The following GRIA4 variants were observed in gnomAD, a reference collection of about 807,000 sequenced individuals.
The protein encoded by GRIA4 is glutamate ionotropic receptor AMPA type subunit 4.
GRIA4 carries 34 observed loss-of-function variants against 104.0 expected under a neutral mutation model. The observed-to-expected ratio is 0.33, with a 90% CI of 0.25 to 0.44. The LOEUF (loss-of-function observed/expected upper bound fraction) is 0.44. Ranked by LOEUF, GRIA4 falls within the 20% of genes least tolerant of loss-of-function variation. GRIA4 has a pLI of 1.00. For missense variants in GRIA4, 750 were observed against 1,096.5 expected, an observed-to-expected ratio of 0.68 and a Z score of 4.46; for synonymous variants, 386 against 381.9, an observed-to-expected ratio of 1.01 and a Z score of -0.13.
At chr11:105,739,225 G>T (rs1227342610) in intron 3 of GRIA4, among the ~76,000 whole-genome samples, 1 of 152,134 alleles carries the variant, frequency 6.6e-6, no homozygotes, top group Admixed American at 6.6e-5. Context: ...AGCAAAGTGA[G>T]CCATGTGTTT....
chr11:105,777,533 T>C lies in GRIA4; in HGVS notation c.487+24313T>C, dbSNP rs564592522. On this transcript the variant is annotated intron_variant, in intron 4 of 16. Coordinates refer to ENST00000282499, the MANE Select transcript of GRIA4 (RefSeq NM_000829.4). ...AATCATCTTATTAAACTAAGTCCCA[T>C]TCATTTTAACACATGACCATTCAAG... Among the ~76,000 whole-genome samples the C allele has an allele frequency of 6.6e-5, 10 of 152,344 alleles. No homozygotes were observed. The East Asian group carries it at 1.5e-3, about 23-fold the overall frequency.
intron 4 of GRIA4, among the ~76,000 whole-genome samples, chr11:105,776,497 T>A (rs901895728): frequency 6.6e-6 from 1 of 152,126 alleles, no homozygotes; most frequent in Non-Finnish European, 1.5e-5. Flanking sequence ...ATAAAACAGA[T>A]GGTTTATATT....
intron 13 of GRIA4, 144 bp from the exon 14 acceptor site, chr11:105,933,578 A>G (rs1947945992): frequency 1.4e-5 from 8 of 578,604 alleles, no homozygotes; most frequent in Non-Finnish European, 2.4e-5. Context: ...AAATAATAAT[A>G]TTACTATTAT....
At chr11:105,794,317 A>G (rs191520559) in intron 4 of GRIA4, among the ~76,000 whole-genome samples, 4 of 150,048 alleles carry the variant, frequency 2.7e-5, no homozygotes, top group African/African-American at 7.3e-5. Flanking sequence ...TCCTTTTCCA[A>G]TGGAGTGAAA....
rs555328343 is a variant in GRIA4, at chr11:105,912,101, T to C, written c.1269+1556T>C. On this transcript the variant is annotated intron_variant, in intron 10 of 16. Coordinates refer to ENST00000282499, the MANE Select transcript of GRIA4 (RefSeq NM_000829.4). ...TACTAGAACAAAAGAAGAATTAATC[T>C]TCATCTTTCTCAAGAAATAGATGTT... 4 of 1,102,366 alleles carry C rather than the reference T, an allele frequency of 3.6e-6. No individual in the cohort carries two copies. The South Asian group carries it at 1.7e-4, about 46-fold the overall frequency. 68.3% of individuals were successfully genotyped at this position (1,102,366 alleles called of 1,614,324 possible).
chr11:105,753,406 G>A (rs546991373), intron 4 of GRIA4, among the ~76,000 whole-genome samples, 186 bp downstream of exon 4: 11 of 152,174 alleles, frequency 7.2e-5, no homozygotes, highest in Admixed American at 7.2e-4. Context: ...AGATTCACAA[G>A]GTTACTCCTG....
At chr11:105,944,146 A>G (rs552923983) in intron 14 of GRIA4, among the ~76,000 whole-genome samples, 3 of 152,340 alleles carry the variant, frequency 2.0e-5, no homozygotes, top group African/African-American at 7.2e-5. Flanking sequence ...ATCATTGTAT[A>G]ACATAGAATC....
intron 3 of GRIA4, among the ~76,000 whole-genome samples, chr11:105,677,063 T>C (rs1952561411): frequency 6.6e-6 from 1 of 151,888 alleles, no homozygotes; most frequent in African/African-American, 2.4e-5. Flanking sequence ...TAGCCCTATA[T>C]AATATTTTCA....
At chr11:105,768,995 T>C (rs1417827789) in intron 4 of GRIA4, among the ~76,000 whole-genome samples, 1 of 151,926 alleles carries the variant, frequency 6.6e-6, no homozygotes, top group Non-Finnish European at 1.5e-5. Context: ...GGAGAGGAAG[T>C]TGAAATAGAG....
intron 4 of GRIA4, among the ~76,000 whole-genome samples, chr11:105,769,309 T>G (rs1311320884): frequency 6.6e-6 from 1 of 152,060 alleles, no homozygotes; most frequent in Non-Finnish European, 1.5e-5. Flanking sequence ...GCAAATCATT[T>G]TGCTTAGAGA....
intron 3 of GRIA4, among the ~76,000 whole-genome samples, chr11:105,643,312 A>G (rs966750237): frequency 6.6e-6 from 1 of 152,230 alleles, no homozygotes; most frequent in Admixed American, 6.5e-5. Flanking sequence ...ATAACATTCA[A>G]GGAAGTGACA....
chr11:105,786,388 C>T (rs1239180801), intron 4 of GRIA4, among the ~76,000 whole-genome samples: 1 of 152,136 alleles, frequency 6.6e-6, no homozygotes, highest in East Asian at 1.9e-4. Context: ...ATGTTTACAT[C>T]TCAGTGTACT....
chr11:105,722,106 C>T (rs1325370646), intron 3 of GRIA4, among the ~76,000 whole-genome samples: 2 of 152,054 alleles, frequency 1.3e-5, no homozygotes, highest in Non-Finnish European at 2.9e-5. Flanking sequence ...AATTGTGAAA[C>T]CTTTCCATAG....
intron 4 of GRIA4, among the ~76,000 whole-genome samples, chr11:105,819,181 C>T (rs995672151): frequency 1.1e-4 from 16 of 152,220 alleles, no homozygotes; most frequent in African/African-American, 3.8e-4. Context: ...TGGCTCTTTA[C>T]TTATTTATGT....
chr11:105,673,298 G>T (rs1461254461), intron 3 of GRIA4, among the ~76,000 whole-genome samples: 1 of 152,036 alleles, frequency 6.6e-6, no homozygotes, highest in Non-Finnish European at 1.5e-5. Flanking sequence ...GCTGTCCTCG[G>T]TGCTGAAACC....
At chr11:105,912,333 TA>T (rs947278623) in intron 10 of GRIA4, 47 of 976,098 alleles carry the variant, frequency 4.8e-5, no homozygotes, top group Non-Finnish European at 5.0e-5. Flanking sequence ...CTGTGTGAAA[TA>T]AAGTGTTTTA....
chr11:105,931,876 A>G (rs1947886516), intron 13 of GRIA4, among the ~76,000 whole-genome samples: 1 of 152,106 alleles, frequency 6.6e-6, no homozygotes, highest in Non-Finnish European at 1.5e-5. Context: ...TTCTTTGTCC[A>G]CCTGAATAAT....
intron 6 of GRIA4, among the ~76,000 whole-genome samples, chr11:105,897,055 TC>T (rs1005012652): frequency 6.6e-6 from 1 of 152,216 alleles, no homozygotes; most frequent in African/African-American, 2.4e-5. Flanking sequence ...GGGATGTTTT[TC>T]CATTTTTAGG....
intron 4 of GRIA4, among the ~76,000 whole-genome samples, chr11:105,851,841 C>T (rs1278018994): frequency 1.3e-5 from 2 of 152,178 alleles, no homozygotes; most frequent in East Asian, 1.9e-4. Context: ...GTACTTACTA[C>T]CTCTTGTCCT....
Sources: gnomAD v4.1 joint callset for allele counts (sites outside exome capture counted in the v4.1 genomes callset) on GRCh38, gnomAD v4.1.1 for gene constraint, MANE v1.5 for transcripts, NCBI Gene and HGNC (gene_info 2026-07-23, HGNC 2026-07-21) for gene names.